Variants in PSG8 observed in about 807,000 individuals in gnomAD.
PSG8 encodes the protein pregnancy-specific beta-1-glycoprotein 8.
In PSG8, 57 loss-of-function variants were observed where a neutral mutation model predicts 42.5. That is an observed-to-expected ratio of 1.34 (90% CI 1.08 to 1.67). The LOEUF is 1.67. Ranked by LOEUF, PSG8 falls within the 40% of genes most tolerant of loss-of-function variation. The pLI, the probability that PSG8 is intolerant of heterozygous loss-of-function variation, is 0.00. For synonymous variants in PSG8, 280 were observed against 196.8 expected, an observed-to-expected ratio of 1.42 and a Z score of -3.54; for missense variants, 783 against 518.6, an observed-to-expected ratio of 1.51 and a Z score of -4.95.
chr19:42,753,345 A>G (rs1969828374), downstream of PSG8: 1 of 780,386 alleles, frequency 1.3e-6, no homozygotes, highest in Non-Finnish European at 2.4e-6. Flanking sequence ...ATGGAATTGG[A>G]GGAACTAGTA....
intron 2 of PSG8, chr19:42,758,601 C>A (rs1335235400): frequency 9.5e-6 from 4 of 423,104 alleles, no homozygotes; most frequent in African/African-American, 2.0e-5. Context: ...GCCTGGCCCA[C>A]CTTGTGGTCC....
chr19:42,759,980 G>T (rs1970032560), intron 2 of PSG8, among the ~76,000 whole-genome samples: 1 of 152,132 alleles, frequency 6.6e-6, no homozygotes, highest in South Asian at 2.1e-4. Flanking sequence ...ATTACATAAA[G>T]GGAGGAATGA....
Position 42,758,209 on chromosome 19 carries a change from T to C in PSG8, c.502A>G (p.Thr168Ala), listed in dbSNP as rs116389883. The change falls in exon 3 of 5, where the codon ACC becomes GCC. Residue 168 changes from threonine (T) to alanine (A), a missense_variant. Thr to Ala is a moderately conservative substitution (Grantham distance 58, BLOSUM62 0). Coordinates refer to ENST00000306511, the MANE Select transcript of PSG8 (RefSeq NM_182707.3). Reference sequence around the variant, plus strand: ...GCGTCCGGAGTCTCAGGATCACAGGTTAAGCTCACAGCCTCCATGGCCTCC... The same window carrying C: ...GCGTCCGGAGTCTCAGGATCACAGGCTAAGCTCACAGCCTCCATGGCCTCC... The part of the protein sequence containing the change: ...PREAMEAVSL[T>A]CDPETPDASY... 1.9e-6 allele frequency: 3 copies of C among 1,613,968 alleles called. No homozygotes were observed. In the Middle Eastern group the frequency reaches 5.0e-4, roughly 267 times the overall value.
At position 42,764,185 on chromosome 19, in the gene PSG8, A is replaced by G; in HGVS notation, c.161T>C (p.Leu54Pro). 1 of 1,613,906 alleles carries G rather than the reference A, an allele frequency of 6.2e-7. No individual in the cohort carries two copies. The highest frequency in any genetic ancestry group is 8.5e-7 in the Non-Finnish European group (1 of 1,179,900). ...KVSEGKDVLL[L>P]VHNLPQNLTG... ...AAGATTCTGGGGCAAATTGTGGACA[A>G]GTAGAAGAACATCCTTCCCCTCAGA... The change falls in exon 2 of 5, where the codon CTT becomes CCT. Residue 54 changes from leucine to proline, a missense_variant. Leu to Pro is a moderately conservative substitution (Grantham distance 98). Transcript: ENST00000306511.
At chr19:42,759,940 G>A (rs535827755) in intron 2 of PSG8, among the ~76,000 whole-genome samples, 4 of 152,120 alleles carry the variant, frequency 2.6e-5, no homozygotes, top group South Asian at 2.1e-4. Flanking sequence ...AGAGAGTCCC[G>A]TTAAAAGGAC....
chr19:42,759,196 C>T (rs547887363), intron 2 of PSG8, among the ~76,000 whole-genome samples: 13 of 152,094 alleles, frequency 8.5e-5, no homozygotes, highest in Non-Finnish European at 1.5e-4. Context: ...TGGGAAGAAG[C>T]CTTGCAGATA....
At chr19:42,759,761 A>G (rs541455505) in intron 2 of PSG8, among the ~76,000 whole-genome samples, 3 of 152,294 alleles carry the variant, frequency 2.0e-5, no homozygotes, top group African/African-American at 7.2e-5. Flanking sequence ...AAATGTTTTC[A>G]TGAGTGGAAA....
intron 3 of PSG8, among the ~76,000 whole-genome samples, chr19:42,756,587 A>G (rs1186043644): frequency 6.6e-6 from 1 of 152,112 alleles, no homozygotes; most frequent in East Asian, 1.9e-4. Context: ...TTAGTAGGCA[A>G]AAGTGGGAGG....
intron 2 of PSG8, among the ~76,000 whole-genome samples, chr19:42,762,012 G>C (rs185878251): frequency 6.6e-6 from 1 of 151,870 alleles, no homozygotes; most frequent in Non-Finnish European, 1.5e-5. Flanking sequence ...GGGGACATTG[G>C]CTCGAGATGA....
intron 3 of PSG8, 193 bp from the exon 4 acceptor site, chr19:42,755,459 C>T (rs1378340754): frequency 1.7e-6 from 2 of 1,201,052 alleles, no homozygotes; most frequent in East Asian, 2.5e-5. Flanking sequence ...GCTGCTCTGT[C>T]TTAGGGAAGC....
At position 42,765,660 on chromosome 19, in the gene PSG8, T is replaced by G. The variant is rs1392922537; in HGVS notation, c.-79A>C. 1.1e-5 allele frequency: 17 copies of G among 1,564,028 alleles called. No homozygotes were observed. The highest frequency in any genetic ancestry group is 1.2e-5 in the Non-Finnish European group (14 of 1,147,116). On this transcript the variant is annotated 5_prime_UTR_variant, in exon 1 of 5. Coordinates refer to ENST00000306511, the MANE Select transcript of PSG8 (RefSeq NM_182707.3). ...GCTTCCTGAGCACAGCTCTCAGCAG[T>G]GCTGTCCTGCCTCCTTCTGCGCTGA...
At position 42,757,842 on chromosome 19, in the gene PSG8, G is replaced by T. The variant is rs886536974; in HGVS notation, c.709+160C>A. Among the ~76,000 whole-genome samples the T allele has an allele frequency of 8.5e-5, 13 of 152,174 alleles. No individual in the cohort carries two copies. In the Middle Eastern group the frequency reaches 0.014, roughly 160 times the overall value. ...TTTCTCCTATTGTTGATCAAGCCTA[G>T]GCCTACTCTGGTTTGCCTGGGGCAG... is the stretch of plus-strand genomic sequence containing the variant. On this transcript the variant is annotated intron_variant, in intron 3 of 4. Transcript: ENST00000306511.
intron 1 of PSG8, among the ~76,000 whole-genome samples, chr19:42,765,125 A>T (rs1210541216): frequency 6.6e-6 from 1 of 150,746 alleles, no homozygotes; most frequent in Non-Finnish European, 1.5e-5. Context: ...CCAGGCTCCA[A>T]TAGAGCCTTC....
At chr19:42,758,692 C>A in intron 2 of PSG8, 1 of 217,648 alleles carries the variant, frequency 4.6e-6, no homozygotes, top group Non-Finnish European at 9.2e-6. Flanking sequence ...CTGCAGCTTC[C>A]CTTGCCAAGG....
chr19:42,756,728 C>T (rs1412713932), intron 3 of PSG8, among the ~76,000 whole-genome samples: 5 of 152,076 alleles, frequency 3.3e-5, no homozygotes, highest in Non-Finnish European at 7.4e-5. Flanking sequence ...GATGTGAAGC[C>T]TTTGAAGGCT....
chr19:42,761,042 A>C (rs1469476111), intron 2 of PSG8, among the ~76,000 whole-genome samples: 1 of 150,966 alleles, frequency 6.6e-6, no homozygotes, highest in African/African-American at 2.4e-5. Context: ...TTGAGGATGG[A>C]GTCATGGGCG....
chr19:42,757,543 C>T (rs1470289664), intron 3 of PSG8, among the ~76,000 whole-genome samples: 1 of 152,204 alleles, frequency 6.6e-6, no homozygotes, highest in Non-Finnish European at 1.5e-5. Context: ...TTGGGGACTT[C>T]CCCTGTATGG....
At chr19:42,757,441 G>T (rs1414681096) in intron 3 of PSG8, among the ~76,000 whole-genome samples, 2 of 151,914 alleles carry the variant, frequency 1.3e-5, no homozygotes. Flanking sequence ...GTGATTTGGG[G>T]GATAAAGAAC....
At chr19:42,759,578 G>A (rs1162676620) in intron 2 of PSG8, among the ~76,000 whole-genome samples, 1 of 152,100 alleles carries the variant, frequency 6.6e-6, no homozygotes, top group Admixed American at 6.5e-5. Flanking sequence ...CTTCTTTTTA[G>A]CATCACATCA....
Sources: gnomAD v4.1 joint callset for allele counts (sites outside exome capture counted in the v4.1 genomes callset) on GRCh38, gnomAD v4.1.1 for gene constraint, MANE v1.5 for transcripts, NCBI Gene and HGNC (gene_info 2026-07-23, HGNC 2026-07-21) for gene names.